The following DGCR8 variants were observed in gnomAD, a reference collection of about 807,000 sequenced individuals.
DGCR8 encodes the protein DGCR8 microprocessor complex subunit, also known as microprocessor complex subunit DGCR8.
In DGCR8, 14 loss-of-function variants were observed where a neutral mutation model predicts 78.5. That is an observed-to-expected ratio of 0.18 (90% CI 0.12 to 0.28). The LOEUF is 0.28. Among genes scored for constraint, DGCR8 ranks in the 10% least tolerant of loss-of-function variants. DGCR8 has a pLI of 1.00. For synonymous variants in DGCR8, 399 were observed against 402.4 expected, an observed-to-expected ratio of 0.99 and a Z score of 0.10; for missense variants, 702 against 1,022.5, an observed-to-expected ratio of 0.69 and a Z score of 4.28.
chr22:20,091,686 T>C (rs1293090714), intron 6 of DGCR8, 54 bp downstream of exon 6: 2 of 1,595,464 alleles, frequency 1.3e-6, no homozygotes, highest in Non-Finnish European at 1.7e-6. Context: ...TTATTTCTAA[T>C]GTGATGTGTT....
At chr22:20,101,435 G>T (rs933846094) in intron 9 of DGCR8, 31 of 670,482 alleles carry the variant, frequency 4.6e-5, no homozygotes, top group Non-Finnish European at 5.7e-5. Context: ...AAAATTAGCC[G>T]GGCATGGTGG....
intron 3 of DGCR8, among the ~76,000 whole-genome samples, chr22:20,088,387 A>G (rs1257755773): frequency 6.6e-6 from 1 of 152,220 alleles, no homozygotes; most frequent in Non-Finnish European, 1.5e-5. Context: ...CTCACTGGTC[A>G]GCAGCCATTC....
In DGCR8 at chr22:20,087,115, G is replaced by A; in HGVS notation, c.721-47G>A. ...ATGCTGTTGAGCTCTCCTGTTGCAG[G>A]AGCATGAGCGCCAGGGGCTCTGGTG... On this transcript the variant is annotated intron_variant, in intron 2 of 13. Coordinates refer to ENST00000351989, the MANE Select transcript of DGCR8 (RefSeq NM_022720.7). The surrounding 1 kb of genome is among the most constrained non-coding windows in gnomAD (Gnocchi z 4.1). The A allele has an allele frequency of 1.9e-6, 3 of 1,565,662 alleles. No homozygotes were observed. Among genetic ancestry groups the A allele is most frequent in the Non-Finnish European group, 2.6e-6 (3 of 1,153,256 alleles).
Position 20,110,858 on chromosome 22 carries a change from C to A in DGCR8, c.*750C>A. 2 of 237,496 alleles carry A rather than the reference C, an allele frequency of 8.4e-6. No homozygotes were observed. Among genetic ancestry groups the A allele is most frequent in the Non-Finnish European group, 1.6e-5 (2 of 124,658 alleles). 14.7% of individuals were successfully genotyped at this position (237,496 alleles called of 1,614,324 possible). A position where few individuals can be genotyped will look rare whatever the true frequency, so the allele number is the denominator to read the frequency against. Reference sequence around the variant, plus strand: ...AATTCCCTAAAAGCGCCTCTTTGGACACTGAGGCCCTCTCTGCCTTTCCTG... The same window carrying A: ...AATTCCCTAAAAGCGCCTCTTTGGAAACTGAGGCCCTCTCTGCCTTTCCTG... On this transcript the variant is annotated 3_prime_UTR_variant, in exon 14 of 14. Coordinates refer to ENST00000351989, the MANE Select transcript of DGCR8 (RefSeq NM_022720.7).
At position 20,110,132 on chromosome 22, in the gene DGCR8, CG is replaced by C; in HGVS notation, c.*29del. On this transcript the variant is annotated 3_prime_UTR_variant, in exon 14 of 14. Transcript: ENST00000351989. ...GAGGGAGGTGGCACGGGCCAGGGCG[CG>C]GGGGCCGCCAGCCGCACTTCTGAGG... 1 of 1,599,956 alleles carries C rather than the reference CG, an allele frequency of 6.3e-7. No homozygotes were observed.
At chr22:20,096,079 C>CCTG in intron 9 of DGCR8, among the ~76,000 whole-genome samples, 1 of 152,296 alleles carries the variant, frequency 6.6e-6, no homozygotes, top group Admixed American at 6.5e-5. Flanking sequence ...CCACTCATGT[C>CCTG]CTGCTATGCA....
At chr22:20,097,704 C>CA (rs1246934608) in intron 9 of DGCR8, among the ~76,000 whole-genome samples, 1 of 151,886 alleles carries the variant, frequency 6.6e-6, no homozygotes, top group East Asian at 1.9e-4. Context: ...GCTCCTTTAT[C>CA]TTCTGTTGGC....
chr22:20,096,060 CT>C (rs2049625364), intron 9 of DGCR8, among the ~76,000 whole-genome samples: 1 of 152,152 alleles, frequency 6.6e-6, no homozygotes, highest in Non-Finnish European at 1.5e-5. Context: ...CTTACTCCCC[CT>C]GCCCCCACCA....
chr22:20,089,529 G>A lies in DGCR8; in HGVS notation c.881-140G>A, dbSNP rs574331788. The A allele has an allele frequency of 6.4e-6, 6 of 933,654 alleles. No individual in the cohort carries two copies. In the East Asian group the frequency reaches 9.9e-5, roughly 15 times the overall value. The allele number at this position is 933,654 out of a possible 1,614,324, so 57.8% of individuals were successfully genotyped here. On this transcript the variant is annotated intron_variant, in intron 3 of 13. Coordinates refer to ENST00000351989, the MANE Select transcript of DGCR8 (RefSeq NM_022720.7). This position sits in a 1 kb window ranked among gnomAD's most constrained non-coding sequence, Gnocchi z 4.9. ...GCCTGGAGGCATAGCAGTGAGCAAGGCAGAGAGGAATTTCGATTATCTGTG... is the reference window on the plus strand; with the variant it reads ...GCCTGGAGGCATAGCAGTGAGCAAGACAGAGAGGAATTTCGATTATCTGTG...
chr22:20,087,816 G>A lies in DGCR8; in HGVS notation c.880+495G>A, dbSNP rs1034855893. Reference sequence around the variant, plus strand: ...CAGCATGGTGTGTGCACTTCAGCTGGGCAGGGTGGAAGTGCCCTGGTCGAC... The same window carrying A: ...CAGCATGGTGTGTGCACTTCAGCTGAGCAGGGTGGAAGTGCCCTGGTCGAC... On this transcript the variant is annotated intron_variant, in intron 3 of 13. Transcript: ENST00000351989. This position sits in a 1 kb window ranked among gnomAD's most constrained non-coding sequence, Gnocchi z 4.1. Among the ~76,000 whole-genome samples the A allele has an allele frequency of 6.6e-6, 1 of 152,182 alleles. No homozygotes were observed. Among genetic ancestry groups the A allele is most frequent in the Non-Finnish European group, 1.5e-5 (1 of 68,032 alleles).
Position 20,111,567 on chromosome 22 carries a change from G to A in DGCR8, c.*1459G>A. 2.5e-6 allele frequency: 1 copy of A among 397,488 alleles called. No individual in the cohort carries two copies. The highest frequency in any genetic ancestry group is 2.1e-5 in the African/African-American group (1 of 48,720). The allele number at this position is 397,488 out of a possible 1,614,324, so 24.6% of individuals were successfully genotyped here. The stretch of plus-strand genomic sequence containing the variant: ...GAATAGTCATTTGACTGTGACTGTT[G>A]CCCTTAGCCAGCCAGATGCGCCTGT... On this transcript the variant is annotated 3_prime_UTR_variant, in exon 14 of 14. Transcript: ENST00000351989.
chr22:20,086,970 G>C lies in DGCR8; in HGVS notation c.721-192G>C, dbSNP rs2049492670. 1.3e-6 allele frequency: 1 copy of C among 793,312 alleles called. No homozygotes were observed. The highest frequency in any genetic ancestry group is 2.0e-6 in the Non-Finnish European group (1 of 510,324). The allele number at this position is 793,312 out of a possible 1,614,324, so 49.1% of individuals were successfully genotyped here. A position where few individuals can be genotyped will look rare whatever the true frequency, so the allele number is the denominator to read the frequency against. The stretch of plus-strand genomic sequence containing the variant: ...ACGCTCCTTGGCAGTGTGTGCCCCT[G>C]GACCAGGTGTGTTGGTGTCAGCTGG... On this transcript the variant is annotated intron_variant, in intron 2 of 13. Transcript: ENST00000351989. The surrounding 1 kb of genome is among the most constrained non-coding windows in gnomAD (Gnocchi z 6.4).
intron 9 of DGCR8, among the ~76,000 whole-genome samples, chr22:20,104,205 C>T (rs912325351): frequency 1.1e-4 from 16 of 151,164 alleles, no homozygotes; most frequent in Admixed American, 2.0e-4. Context: ...TCGCCCAGGC[C>T]GGACTGCGGA....
intron 9 of DGCR8, among the ~76,000 whole-genome samples, chr22:20,102,798 G>T (rs1364726214): frequency 6.6e-6 from 1 of 152,120 alleles, no homozygotes; most frequent in Non-Finnish European, 1.5e-5. Flanking sequence ...TAGCTCCTTT[G>T]CTGTTCCATG....
chr22:20,106,526 G>A, intron 10 of DGCR8, 66 bp from the exon 11 acceptor site: 1 of 1,203,852 alleles, frequency 8.3e-7, no homozygotes, highest in Non-Finnish European at 1.2e-6. Flanking sequence ...CCCAGAGCAG[G>A]CCTCCTCAGA....
chr22:20,103,694 T>A (rs981933443), intron 9 of DGCR8, among the ~76,000 whole-genome samples: 3 of 152,202 alleles, frequency 2.0e-5, no homozygotes, highest in Non-Finnish European at 4.4e-5. Context: ...CCTCCTGAGT[T>A]TTTCAGAAGG....
Position 20,084,114 on chromosome 22 carries a change from G to T in DGCR8, c.-277-1573G>T, listed in dbSNP as rs566446361. ...CTCTTGTCCATATAGTGCGTTCCTC[G>T]GAGTAGATGGCCAGTGGATAGTTGT... On this transcript the variant is annotated intron_variant, in intron 1 of 13. Coordinates refer to ENST00000351989, the MANE Select transcript of DGCR8 (RefSeq NM_022720.7). Among the ~76,000 whole-genome samples the T allele has an allele frequency of 3.9e-5, 6 of 152,312 alleles. No homozygotes were observed. In the East Asian group the frequency reaches 1.2e-3, roughly 29 times the overall value.
chr22:20,085,776 T>C lies in DGCR8; in HGVS notation c.-188T>C. On this transcript the variant is annotated 5_prime_UTR_variant, in exon 2 of 14. Transcript: ENST00000351989. This position sits in a 1 kb window ranked among gnomAD's most constrained non-coding sequence, Gnocchi z 6.2. Reference sequence around the variant, plus strand: ...TGAGTGCATTGTGATTTCCAATAATTGAGGCAGTGGTTCTAAAAGCTGTCT... The same window carrying C: ...TGAGTGCATTGTGATTTCCAATAATCGAGGCAGTGGTTCTAAAAGCTGTCT... The C allele has an allele frequency of 1.4e-6, 2 of 1,429,670 alleles. No individual in the cohort carries two copies. The highest frequency in any genetic ancestry group is 1.8e-6 in the Non-Finnish European group (2 of 1,098,408). 88.6% of individuals were successfully genotyped at this position (1,429,670 alleles called of 1,614,324 possible). A position where few individuals can be genotyped will look rare whatever the true frequency, so the allele number is the denominator to read the frequency against.
intron 1 of DGCR8, among the ~76,000 whole-genome samples, chr22:20,084,658 G>A (rs993284142): frequency 2.6e-5 from 4 of 152,082 alleles, no homozygotes; most frequent in African/African-American, 7.2e-5. Context: ...TGTTCTCCTC[G>A]CCAGGCTCCT....
Sources: allele counts gnomAD v4.1 joint callset (sites outside exome capture counted in the v4.1 genomes callset), GRCh38; gene constraint gnomAD v4.1.1; non-coding constraint Gnocchi (gnomAD v3.1); transcripts MANE v1.5; gene names NCBI Gene and HGNC (gene_info 2026-07-23, HGNC 2026-07-21).